PKIB: variants seen among roughly 807,000 people sequenced by gnomAD.
The protein encoded by PKIB is PKI-beta.
PKIB carries 2 observed loss-of-function variants against 4.5 expected under a neutral mutation model. The observed-to-expected ratio is 0.44, with a 90% CI of 0.18 to 1.39. PKIB has a LOEUF of 1.39. PKIB is among the 40% of genes most tolerant of loss of function. PKIB has a pLI of 0.27. For synonymous variants in PKIB, 38 were observed against 36.0 expected, an observed-to-expected ratio of 1.06 and a Z score of -0.20; for missense variants, 94 against 92.6, an observed-to-expected ratio of 1.02 and a Z score of -0.06.
At chr6:122,508,441 AT>A (rs1358807916) in intron 2 of PKIB, among the ~76,000 whole-genome samples, 2 of 152,088 alleles carry the variant, frequency 1.3e-5, no homozygotes, top group African/African-American at 4.8e-5. Flanking sequence ...ATAATTTGAT[AT>A]TTGTTTTTAA....
chr6:122,680,868 C>G (rs143182420), intron 3 of PKIB, among the ~76,000 whole-genome samples: 1 of 152,288 alleles, frequency 6.6e-6, no homozygotes, highest in African/African-American at 2.4e-5. Context: ...CATACTATTA[C>G]TTAAAATCCT....
At position 122,539,100 on chromosome 6, in the gene PKIB, C is replaced by A. The variant is rs531556141; in HGVS notation, c.-247-46821C>A. Among the ~76,000 whole-genome samples the A allele has an allele frequency of 1.4e-3, 214 of 152,214 alleles. 1 individual carries two copies. Among genetic ancestry groups the A allele is most frequent in the African/African-American group, 4.9e-3 (205 of 41,482 alleles). On this transcript the variant is annotated intron_variant, in intron 2 of 6. Transcript: ENST00000392491. Reference sequence around the variant, plus strand: ...TTTTGGGCTGAGACAATGGGGTTTTCTAGATATACAATCAATTCATCTGCA... The same window carrying A: ...TTTTGGGCTGAGACAATGGGGTTTTATAGATATACAATCAATTCATCTGCA...
rs1392295980 is a variant in PKIB at position 122,717,893 on chromosome 6, C to T, written c.99C>T (p.Ile33=). ...GCCGCCGGAATGCCTTACCAGACAT[C>T]CAGAGTTCAGCTGCCACAGACGGAA... The part of the protein sequence containing the change: ...RAGRRNALPD[I]QSSAATDGTS... Residue 33 remains isoleucine (I), a synonymous_variant, in exon 4 of 5, where the codon ATC becomes ATT. Coordinates refer to ENST00000368452, the MANE Select transcript of PKIB (RefSeq NM_181795.3). 1 of 1,614,132 alleles carries T rather than the reference C, an allele frequency of 6.2e-7. No individual in the cohort carries two copies. Among genetic ancestry groups the T allele is most frequent in the Non-Finnish European group, 8.5e-7 (1 of 1,179,992 alleles).
At chr6:122,587,061 A>G (rs1003412400) in intron 3 of PKIB, among the ~76,000 whole-genome samples, 3 of 152,070 alleles carry the variant, frequency 2.0e-5, no homozygotes, top group Non-Finnish European at 4.4e-5. Flanking sequence ...GTTTTAGGGT[A>G]TATGTGCACA....
At chr6:122,521,828 T>C (rs779384421) in intron 2 of PKIB, among the ~76,000 whole-genome samples, 6 of 152,196 alleles carry the variant, frequency 3.9e-5, no homozygotes, top group Admixed American at 6.5e-5. Context: ...ATGGTCAACA[T>C]TGAGTTCTTT....
chr6:122,545,752 AT>A (rs1014193955), intron 2 of PKIB, among the ~76,000 whole-genome samples: 1 of 151,216 alleles, frequency 6.6e-6, no homozygotes, highest in Non-Finnish European at 1.5e-5. Context: ...CAATTTACCC[AT>A]GTAACAAACC....
At chr6:122,642,319 C>G (rs1189244753) in intron 2 of PKIB, among the ~76,000 whole-genome samples, 1 of 152,184 alleles carries the variant, frequency 6.6e-6, no homozygotes, top group Non-Finnish European at 1.5e-5. Context: ...GCCCAAATCT[C>G]AAAATCAAAA....
At chr6:122,678,465 A>T (rs1480007540) in intron 3 of PKIB, among the ~76,000 whole-genome samples, 1 of 151,836 alleles carries the variant, frequency 6.6e-6, no homozygotes, top group Non-Finnish European at 1.5e-5. Flanking sequence ...CAGAGCCATC[A>T]TCTTAGTTTG....
chr6:122,580,621 T>C (rs552908472), intron 2 of PKIB, among the ~76,000 whole-genome samples: 1 of 152,136 alleles, frequency 6.6e-6, no homozygotes, highest in Non-Finnish European at 1.5e-5. Context: ...TTCAGGCTGC[T>C]GAAACTTGGG....
chr6:122,673,871 T>C (rs1310173906), intron 2 of PKIB, among the ~76,000 whole-genome samples: 1 of 152,136 alleles, frequency 6.6e-6, no homozygotes, highest in African/African-American at 2.4e-5. Flanking sequence ...AAGACAGATC[T>C]ATACCAGAGT....
At chr6:122,724,600 G>A (rs1779878465) in intron 4 of PKIB, among the ~76,000 whole-genome samples, 3 of 152,286 alleles carry the variant, frequency 2.0e-5, no homozygotes, top group African/African-American at 7.2e-5. Flanking sequence ...ATCACGGGGA[G>A]TTTTAGATAT....
At chr6:122,688,937 C>A (rs911535717) in intron 3 of PKIB, among the ~76,000 whole-genome samples, 5 of 151,952 alleles carry the variant, frequency 3.3e-5, no homozygotes, top group African/African-American at 1.2e-4. Flanking sequence ...CCCGCCACCA[C>A]GCCCGTCTAA....
intron 3 of PKIB, among the ~76,000 whole-genome samples, chr6:122,686,482 GC>G (rs1562301426): frequency 6.6e-6 from 1 of 150,708 alleles, no homozygotes; most frequent in African/African-American, 2.4e-5. Context: ...CAAATCTTTT[GC>G]CCATTTATAT....
At chr6:122,655,476 A>G (rs891118941) in intron 2 of PKIB, among the ~76,000 whole-genome samples, 1 of 152,180 alleles carries the variant, frequency 6.6e-6, no homozygotes, top group Non-Finnish European at 1.5e-5. Flanking sequence ...GTAGCCATTT[A>G]TGAACCAGAA....
At chr6:122,632,235 G>A (rs1369675900) in intron 1 of PKIB, among the ~76,000 whole-genome samples, 2 of 152,274 alleles carry the variant, frequency 1.3e-5, no homozygotes, top group South Asian at 4.1e-4. Flanking sequence ...AGCAGACAAC[G>A]TTGATCCTTG....
At chr6:122,515,609 C>G (rs1338002675) in intron 2 of PKIB, among the ~76,000 whole-genome samples, 4 of 152,112 alleles carry the variant, frequency 2.6e-5, no homozygotes, top group African/African-American at 9.7e-5. Context: ...AGCAGGTACC[C>G]CATGTACATG....
chr6:122,499,194 C>G (rs1776155111), intron 2 of PKIB, among the ~76,000 whole-genome samples: 1 of 152,176 alleles, frequency 6.6e-6, no homozygotes, highest in Non-Finnish European at 1.5e-5. Flanking sequence ...GGAACAGGGA[C>G]TCTTCTCTAA....
chr6:122,482,215 C>T (rs1189405753), intron 2 of PKIB: 2 of 152,262 alleles, frequency 1.3e-5, no homozygotes, highest in African/African-American at 4.8e-5. Context: ...CCGCCTCGGC[C>T]TCCCAAAGTG....
At chr6:122,486,260 A>G (rs1775764004) in intron 2 of PKIB, among the ~76,000 whole-genome samples, 1 of 152,192 alleles carries the variant, frequency 6.6e-6, no homozygotes, top group Non-Finnish European at 1.5e-5. Flanking sequence ...TTCAGATGAT[A>G]AAAAGTCCTC....
Sources: allele counts gnomAD v4.1 joint callset (sites outside exome capture counted in the v4.1 genomes callset), GRCh38; gene constraint gnomAD v4.1.1; transcripts MANE v1.5; gene names NCBI Gene and HGNC (gene_info 2026-07-23, HGNC 2026-07-21).